ATP7A: variants seen among roughly 807,000 people sequenced by gnomAD.
The protein encoded by ATP7A is ATPase copper transporting alpha.
ATP7A carries 7 observed loss-of-function variants against 83.5 expected under a neutral mutation model. That is an observed-to-expected ratio of 0.08 (90% CI 0.05 to 0.16). The LOEUF (loss-of-function observed/expected upper bound fraction) is 0.16, where lower values mean the gene tolerates loss of function less well. Among genes scored for constraint, ATP7A ranks in the 10% least tolerant of loss-of-function variants. ATP7A has a pLI of 1.00. For synonymous variants in ATP7A, 354 were observed against 395.2 expected, an observed-to-expected ratio of 0.90 and a Z score of 1.24; for missense variants, 940 against 1,120.8, an observed-to-expected ratio of 0.84 and a Z score of 2.30.
chrX:77,965,374 T>C, intron 1 of ATP7A: 1 of 321,633 alleles, frequency 3.1e-6, no homozygotes, highest in Non-Finnish European at 6.0e-6. Flanking sequence ...GAATAGACAT[T>C]TCTTCGAAGA....
intron 14 of ATP7A, among the ~76,000 whole-genome samples, chrX:78,021,527 G>T (rs1256161371): frequency 9.0e-6 from 1 of 111,566 alleles, no homozygotes; most frequent in Admixed American, 9.6e-5. Flanking sequence ...TAATATATTA[G>T]AAATAATTTG....
At position 78,049,384 on chromosome X, in the gene ATP7A, T is replaced by C. The variant is rs1047866279; in HGVS notation, c.*2814T>C. 1.8e-5 allele frequency: 2 copies of C among 112,612 alleles called. No individual in the cohort carries two copies. The highest frequency in any genetic ancestry group is 3.8e-5 in the Non-Finnish European group (2 of 53,221). The allele number at this position is 112,612 out of a possible 1,213,427, so 9.3% of individuals were successfully genotyped here. A position where few individuals can be genotyped will look rare whatever the true frequency, so the allele number is the denominator to read the frequency against. On this transcript the variant is annotated 3_prime_UTR_variant, in exon 23 of 23. Coordinates refer to ENST00000341514, the MANE Select transcript of ATP7A (RefSeq NM_000052.7). ...TTTGAAGTTCTCTATTTATATTTCA[T>C]TTATCACTCTTCTGTATTCACTCAG...
intron 1 of ATP7A, among the ~76,000 whole-genome samples, chrX:77,931,764 G>C (rs1193263238): frequency 3.2e-4 from 33 of 103,971 alleles, no homozygotes; most frequent in East Asian, 9.6e-4. Flanking sequence ...CTGGCCGGGT[G>C]GGGGGCTGAC....
intron 16 of ATP7A, among the ~76,000 whole-genome samples, chrX:78,032,157 C>T (rs1434734167): frequency 9.0e-6 from 1 of 111,680 alleles, no homozygotes; most frequent in Non-Finnish European, 1.9e-5. Context: ...TCTTTGTTAC[C>T]TTGCTTTTTT....
chrX:78,011,357 G>C, intron 8 of ATP7A, 92 bp from the exon 9 acceptor site: 6 of 1,047,731 alleles, frequency 5.7e-6, no homozygotes, highest in Admixed American at 4.4e-5. Context: ...GGATGAAATG[G>C]TCACAATGTA....
chrX:78,016,977 T>C (rs1278340294), intron 12 of ATP7A, among the ~76,000 whole-genome samples: 1 of 112,507 alleles, frequency 8.9e-6, no homozygotes, highest in Non-Finnish European at 1.9e-5. Flanking sequence ...CAGTGCCCCA[T>C]TGGGGACTCT....
At chrX:77,927,637 T>C (rs782338666) in intron 1 of ATP7A, among the ~76,000 whole-genome samples, 62 of 111,623 alleles carry the variant, frequency 5.6e-4, no homozygotes, top group South Asian at 1.5e-3. Context: ...TTAAAAGGTA[T>C]GCATTTTTTT....
intron 1 of ATP7A, among the ~76,000 whole-genome samples, chrX:77,912,606 G>A (rs782004235): frequency 4.2e-4 from 47 of 112,323 alleles, no homozygotes; most frequent in African/African-American, 1.5e-3. Flanking sequence ...GTTAATGTAT[G>A]AGGCTTAATT....
chrX:77,922,122 A>G (rs2077219352), intron 1 of ATP7A, among the ~76,000 whole-genome samples: 1 of 110,551 alleles, frequency 9.0e-6, no homozygotes, highest in Non-Finnish European at 1.9e-5. Context: ...TTATATATTA[A>G]TATTTACTGT....
At chrX:77,952,400 A>G (rs1352833832) in intron 1 of ATP7A, among the ~76,000 whole-genome samples, 6 of 111,950 alleles carry the variant, frequency 5.4e-5, no homozygotes, top group Non-Finnish European at 1.1e-4. Context: ...TCTACTAATA[A>G]TAGATATGTA....
In ATP7A at chrX:78,049,971, T is replaced by C. The variant is rs1164686067; in HGVS notation, c.*3401T>C. ...CACTCCTTTTGGGTTTTTGTTTGTT[T>C]TGTTTCTTTTCTACATTTTTAAGTA... On this transcript the variant is annotated 3_prime_UTR_variant, in exon 23 of 23. Transcript: ENST00000341514. 8.9e-6 allele frequency: 1 copy of C among 112,367 alleles called. No individual in the cohort carries two copies. The highest frequency in any genetic ancestry group is 2.8e-4 in the East Asian group (1 of 3,618). The allele number at this position is 112,367 out of a possible 1,213,427, so 9.3% of individuals were successfully genotyped here. A position where few individuals can be genotyped will look rare whatever the true frequency, so the allele number is the denominator to read the frequency against.
At chrX:77,998,324 G>C (rs781908196) in intron 4 of ATP7A, among the ~76,000 whole-genome samples, 154 bp from the exon 5 acceptor site, 1 of 112,004 alleles carries the variant, frequency 8.9e-6, no homozygotes, top group Non-Finnish European at 1.9e-5. Context: ...GCGGAGGAAA[G>C]TGTAGAGATA....
chrX:77,911,746 C>G (rs2077162027), intron 1 of ATP7A, among the ~76,000 whole-genome samples: 1 of 110,619 alleles, frequency 9.0e-6, no homozygotes, highest in South Asian at 3.8e-4. Flanking sequence ...GAGATCGAGA[C>G]CAGCCTGGCC....
At chrX:77,939,496 G>A (rs1213386505) in intron 1 of ATP7A, among the ~76,000 whole-genome samples, 3 of 110,391 alleles carry the variant, frequency 2.7e-5, no homozygotes, top group Non-Finnish European at 5.7e-5. Flanking sequence ...TCATAGTAAT[G>A]AGAAGACACA....
At chrX:78,019,489 A>G (rs951543031) in intron 12 of ATP7A, among the ~76,000 whole-genome samples, 20 of 110,403 alleles carry the variant, frequency 1.8e-4, no homozygotes, top group Non-Finnish European at 2.5e-4. Flanking sequence ...TGTTGTTGAG[A>G]CAAGGTCTTA....
intron 1 of ATP7A, among the ~76,000 whole-genome samples, chrX:77,948,096 TATTTATTCATTC>T (rs1361814263): frequency 3.1e-5 from 3 of 96,444 alleles, no homozygotes; most frequent in Admixed American, 1.2e-4. Context: ...TTTATTTATT[TATTTATTCATTC>T]ATTCATTCAT....
At chrX:77,999,983 A>G (rs2077729634) in intron 5 of ATP7A, among the ~76,000 whole-genome samples, 1 of 110,577 alleles carries the variant, frequency 9.0e-6, no homozygotes, top group Non-Finnish European at 1.9e-5. Flanking sequence ...TGGCTGCCCT[A>G]GCCCTAGGTG....
chrX:77,947,534 G>A (rs2077386894), intron 1 of ATP7A, among the ~76,000 whole-genome samples: 1 of 109,459 alleles, frequency 9.1e-6, no homozygotes, highest in Non-Finnish European at 1.9e-5. Flanking sequence ...CGTCTCCCGG[G>A]TTCAAGTGAT....
rs35163171 is a variant in ATP7A at position 77,939,296 on chromosome X, C to CA, written c.-22+28474dup. ...TGGGTGACAGAGCAAGACACTGTCT[C>CA]AAAAAAAAAAAAAGTACATATATCC... On this transcript the variant is annotated intron_variant, in intron 1 of 22. Coordinates refer to ENST00000341514, the MANE Select transcript of ATP7A (RefSeq NM_000052.7). Among the ~76,000 whole-genome samples the CA allele has an allele frequency of 4.0e-3, 369 of 93,217 alleles. 1 individual carries two copies. Among genetic ancestry groups the CA allele is most frequent in the African/African-American group, 7.9e-3 (202 of 25,485 alleles). The allele number at this position is 93,217 out of a possible 115,157, so 80.9% of individuals were successfully genotyped here.
Sources: allele counts gnomAD v4.1 joint callset (sites outside exome capture counted in the v4.1 genomes callset), GRCh38; gene constraint gnomAD v4.1.1; transcripts MANE v1.5; gene names NCBI Gene and HGNC (gene_info 2026-07-23, HGNC 2026-07-21).